Variants in STAC observed in about 807,000 individuals in gnomAD.
The protein encoded by STAC is SH3 and cysteine rich domain.
Under a neutral mutation model 48.8 loss-of-function variants are expected in STAC, and 43 were observed. That is an observed-to-expected ratio of 0.88 (90% CI 0.69 to 1.14). STAC has a LOEUF of 1.14. STAC is among the 50% of genes most tolerant of loss of function. STAC has a pLI of 0.00. For missense variants in STAC, 497 were observed against 504.0 expected (o/e 0.99, Z 0.13); for synonymous variants, 193 against 179.5 (o/e 1.07, Z -0.60).
intron 2 of STAC, among the ~76,000 whole-genome samples, chr3:36,482,281 TA>T: frequency 6.6e-6 from 1 of 152,278 alleles, no homozygotes; most frequent in East Asian, 1.9e-4. Flanking sequence ...CCTGCCCTCT[TA>T]TTAGGCCTCC....
At chr3:36,484,921 T>C in intron 3 of STAC, 56 bp from the exon 4 acceptor site, 2 of 1,436,676 alleles carry the variant, frequency 1.4e-6, no homozygotes, top group South Asian at 2.8e-5. Context: ...AGCTCTTGTA[T>C]GGTTTTCTCC....
intron 10 of STAC, among the ~76,000 whole-genome samples, chr3:36,540,988 G>A (rs999366934): frequency 2.6e-5 from 4 of 152,124 alleles, no homozygotes; most frequent in African/African-American, 9.7e-5. Context: ...TCTGATAGAG[G>A]TCAGTTCTTG....
At chr3:36,400,071 T>C (rs1227852080) in intron 1 of STAC, among the ~76,000 whole-genome samples, 1 of 152,216 alleles carries the variant, frequency 6.6e-6, no homozygotes, top group Non-Finnish European at 1.5e-5. Flanking sequence ...CTGTGGAAGC[T>C]TTCCTGCTCA....
rs1697812210 is a variant in STAC, at chr3:36,486,264, C to T, written c.687+15C>T. 2 of 1,608,696 alleles carry T rather than the reference C, an allele frequency of 1.2e-6. No individual in the cohort carries two copies. The highest frequency in any genetic ancestry group is 1.7e-6 in the Non-Finnish European group (2 of 1,176,298). On this transcript the variant is annotated intron_variant, in intron 5 of 10. Coordinates refer to ENST00000273183, the MANE Select transcript of STAC (RefSeq NM_003149.3). ...ACAGAACCTCTGTAATTATCCTCTT[C>T]CTTCCTCGGTTTGTCTGTGGTGGTC...
chr3:36,505,324 C>G (rs566958917), intron 7 of STAC, among the ~76,000 whole-genome samples: 12 of 152,120 alleles, frequency 7.9e-5, no homozygotes, highest in African/African-American at 2.9e-4. Context: ...CTTTGATATA[C>G]TAGATACCAA....
intron 1 of STAC, among the ~76,000 whole-genome samples, chr3:36,401,980 G>A (rs1700006810): frequency 6.6e-6 from 1 of 152,162 alleles, no homozygotes; most frequent in Non-Finnish European, 1.5e-5. Flanking sequence ...TTTCACAGAT[G>A]ACAAAACTAT....
chr3:36,453,053 T>C (rs903833747), intron 2 of STAC, among the ~76,000 whole-genome samples: 1 of 152,238 alleles, frequency 6.6e-6, no homozygotes, highest in East Asian at 1.9e-4. Context: ...TGGGTACCAG[T>C]TTGTGGAAGT....
At chr3:36,467,708 A>G (rs1047865343) in intron 2 of STAC, among the ~76,000 whole-genome samples, 3 of 152,008 alleles carry the variant, frequency 2.0e-5, no homozygotes, top group African/African-American at 4.8e-5. Context: ...ATCATAGGCA[A>G]TTGAGCTTAT....
At chr3:36,406,416 C>T (rs539763533) in intron 1 of STAC, among the ~76,000 whole-genome samples, 1 of 152,286 alleles carries the variant, frequency 6.6e-6, no homozygotes, top group South Asian at 2.1e-4. Flanking sequence ...GAGCATGGGG[C>T]CTATACTCTC....
intron 2 of STAC, among the ~76,000 whole-genome samples, chr3:36,449,216 T>C (rs1293331594): frequency 1.3e-5 from 2 of 152,166 alleles, no homozygotes; most frequent in African/African-American, 4.8e-5. Flanking sequence ...CCCCTTTGGA[T>C]ATTCACAGCA....
rs80059669 is a variant in STAC, at chr3:36,439,720, C to G, written c.112-3644C>G. On this transcript the variant is annotated intron_variant, in intron 1 of 10. Transcript: ENST00000273183. ...GGACTTGAAGTGAAGAGGGTCTGTA[C>G]TGCTCCTTTGCTGCATCCAGGTCCT... Among the ~76,000 whole-genome samples, 108 of 152,296 alleles carry G rather than the reference C, an allele frequency of 7.1e-4. 1 individual carries two copies. In the East Asian group the frequency reaches 0.019, roughly 27 times the overall value.
At chr3:36,472,949 G>C (rs1263213242) in intron 2 of STAC, among the ~76,000 whole-genome samples, 2 of 152,062 alleles carry the variant, frequency 1.3e-5, no homozygotes, top group Non-Finnish European at 2.9e-5. Flanking sequence ...CACTCTACTG[G>C]TACCAATTTA....
chr3:36,514,204 C>CTTTTTTTT lies in STAC; in HGVS notation c.920+8394_920+8401dup, dbSNP rs765548085. On this transcript the variant is annotated intron_variant, in intron 8 of 10. Transcript: ENST00000273183. ...TCTCTGATCCATCTACACTGGCCTT[C>CTTTTTTTT]TTTTTTTTTTTTTTTTTTTTTTTTT... Among the ~76,000 whole-genome samples the CTTTTTTTT allele has an allele frequency of 1.6e-3, 58 of 36,436 alleles. 7 individuals carry two copies. The highest frequency in any genetic ancestry group is 3.5e-3 in the African/African-American group (34 of 9,846). 23.9% of individuals were successfully genotyped at this position (36,436 alleles called of 152,430 possible). A position where few individuals can be genotyped will look rare whatever the true frequency, so the allele number is the denominator to read the frequency against.
intron 1 of STAC, among the ~76,000 whole-genome samples, chr3:36,422,343 A>G (rs1355168566): frequency 6.6e-6 from 1 of 152,150 alleles, no homozygotes; most frequent in African/African-American, 2.4e-5. Context: ...TGTCAGTGTA[A>G]GTACATATCA....
chr3:36,383,325 T>C (rs1478220015), intron 1 of STAC, among the ~76,000 whole-genome samples: 1 of 138,362 alleles, frequency 7.2e-6, no homozygotes, highest in Non-Finnish European at 1.6e-5. Flanking sequence ...GTTAGATCAT[T>C]TTCACTGTGA....
chr3:36,419,534 CCTT>C (rs971085800), intron 1 of STAC, among the ~76,000 whole-genome samples: 2 of 152,046 alleles, frequency 1.3e-5, no homozygotes, highest in Admixed American at 1.3e-4. Flanking sequence ...GGTTATACAC[CCTT>C]CTTCTTAGGA....
chr3:36,443,764 T>C lies in STAC; in HGVS notation c.388+124T>C. 1.5e-6 allele frequency: 2 copies of C among 1,293,996 alleles called. No homozygotes were observed. Among genetic ancestry groups the C allele is most frequent in the South Asian group, 1.4e-5 (1 of 72,190 alleles). The allele number at this position is 1,293,996 out of a possible 1,614,324, so 80.2% of individuals were successfully genotyped here. A position where few individuals can be genotyped will look rare whatever the true frequency, so the allele number is the denominator to read the frequency against. On this transcript the variant is annotated intron_variant, in intron 2 of 10. Coordinates refer to ENST00000273183, the MANE Select transcript of STAC (RefSeq NM_003149.3). The surrounding 1 kb of genome is among the most constrained non-coding windows in gnomAD (Gnocchi z 4.2). Reference sequence around the variant, plus strand: ...CCTCAGAGATTTACATGTGGGAAGATCATTCAGGAGTGCTTTGGGGAACAA... The same window carrying C: ...CCTCAGAGATTTACATGTGGGAAGACCATTCAGGAGTGCTTTGGGGAACAA...
chr3:36,483,758 C>T (rs1328306144), intron 3 of STAC, among the ~76,000 whole-genome samples: 1 of 152,164 alleles, frequency 6.6e-6, no homozygotes, highest in Non-Finnish European at 1.5e-5. Context: ...TCGAGACCAG[C>T]CTGGGCAACA....
chr3:36,408,567 G>A (rs567324889), intron 1 of STAC, among the ~76,000 whole-genome samples: 1 of 152,184 alleles, frequency 6.6e-6, no homozygotes, highest in Non-Finnish European at 1.5e-5. Context: ...AATTCTGGCC[G>A]ATGAGACCTG....
Sources: gnomAD v4.1 joint callset for allele counts (sites outside exome capture counted in the v4.1 genomes callset) on GRCh38, gnomAD v4.1.1 for gene constraint, Gnocchi (gnomAD v3.1) non-coding constraint, MANE v1.5 for transcripts, NCBI Gene and HGNC (gene_info 2026-07-23, HGNC 2026-07-21) for gene names.